The following MALRD1 variants were observed in gnomAD, a reference collection of about 807,000 sequenced individuals.
The protein encoded by MALRD1 is MAM and LDL-receptor class A domain-containing protein 1.
In MALRD1, 247 loss-of-function variants were observed where a neutral mutation model predicts 242.1. That is an observed-to-expected ratio of 1.02 (90% CI 0.92 to 1.13). The LOEUF is 1.13. Among genes scored for constraint, MALRD1 ranks in the 50% most tolerant of loss-of-function variants. The pLI, the probability that MALRD1 is intolerant of heterozygous loss-of-function variation, is 0.00. For synonymous variants in MALRD1, 995 were observed against 866.6 expected (o/e 1.15, Z -2.60); for missense variants, 2,989 against 2,533.1 (o/e 1.18, Z -3.86).
chr10:19,723,944 G>A (rs1257504693), intron 38 of MALRD1, among the ~76,000 whole-genome samples: 1 of 151,152 alleles, frequency 6.6e-6, no homozygotes, highest in Non-Finnish European at 1.5e-5. Flanking sequence ...TATAGTCCCA[G>A]CAACTCAGGG....
chr10:19,531,940 A>T (rs1024511924), intron 32 of MALRD1, among the ~76,000 whole-genome samples: 1 of 152,226 alleles, frequency 6.6e-6, no homozygotes, highest in South Asian at 2.1e-4. Context: ...TTAAATGGTT[A>T]CATATCAGCA....
chr10:19,557,236 A>G (rs7911898), intron 32 of MALRD1, among the ~76,000 whole-genome samples: 5,215 of 152,094 alleles, frequency 0.034, 314 homozygotes, highest in African/African-American at 0.12. Context: ...TTTGGTCTCT[A>G]GCTTGTCTTT....
intron 1 of MALRD1, among the ~76,000 whole-genome samples, chr10:19,058,482 T>C (rs1298560238): frequency 6.6e-6 from 1 of 152,120 alleles, no homozygotes; most frequent in Non-Finnish European, 1.5e-5. Context: ...TTGTTGAATA[T>C]TGATATTGAG....
chr10:19,085,314 A>AT (rs922715460), intron 2 of MALRD1, among the ~76,000 whole-genome samples: 8 of 151,878 alleles, frequency 5.3e-5, no homozygotes, highest in Admixed American at 1.3e-4. Context: ...ATGAAGTGAC[A>AT]TTTTTCTCTA....
chr10:19,301,992 C>T (rs994660504), intron 21 of MALRD1, among the ~76,000 whole-genome samples: 1 of 151,592 alleles, frequency 6.6e-6, no homozygotes, highest in Admixed American at 6.6e-5. Context: ...ATACAAACAG[C>T]TAAAAGTCAA....
chr10:19,359,549 C>T (rs1844797704), intron 26 of MALRD1, among the ~76,000 whole-genome samples: 1 of 152,006 alleles, frequency 6.6e-6, no homozygotes, highest in East Asian at 1.9e-4. Context: ...CCACTGCGCA[C>T]TTCTTCCAAA....
At chr10:19,718,095 A>AGAG (rs1834488059) in intron 38 of MALRD1, among the ~76,000 whole-genome samples, 2 of 110,748 alleles carry the variant, frequency 1.8e-5, no homozygotes, top group African/African-American at 8.2e-5. Flanking sequence ...TAGAAGAAGA[A>AGAG]GAAGAGGAAG....
intron 38 of MALRD1, among the ~76,000 whole-genome samples, chr10:19,728,119 A>C (rs1835122357): frequency 6.6e-6 from 1 of 152,182 alleles, no homozygotes; most frequent in Non-Finnish European, 1.5e-5. Context: ...ATCTAGGAAA[A>C]ATAAAAGCAA....
Position 19,387,556 on chromosome 10 carries a change from T to A in MALRD1, c.4470T>A (p.Cys1490Ter). 6.4e-7 allele frequency: 1 copy of A among 1,550,424 alleles called. No homozygotes were observed. The highest frequency in any genetic ancestry group is 8.7e-7 in the Non-Finnish European group (1 of 1,146,864). The change falls in exon 27 of 40, where the codon TGT (cysteine) becomes TGA (stop). Residue 1490 changes from cysteine to a stop codon, truncating the protein, a stop_gained. Coordinates refer to ENST00000454679, the MANE Select transcript of MALRD1 (RefSeq NM_001142308.3). LOFTEE classifies it high-confidence loss of function. ...TCTGCCCACTTGGCTATAGGGAATG[T>A]CATAATGGAAAATGCTATAGGCTGG... The part of the protein sequence containing the change: ...TGFCPLGYRE[C>*]HNGKCYRLEQ...
intron 38 of MALRD1, among the ~76,000 whole-genome samples, chr10:19,707,157 T>C (rs887171009): frequency 2.4e-4 from 36 of 150,634 alleles, no homozygotes; most frequent in Non-Finnish European, 1.2e-4. Context: ...TCATCCTCCT[T>C]TCTTCTTCTT....
At chr10:19,474,491 C>T (rs1836638592) in intron 29 of MALRD1, among the ~76,000 whole-genome samples, 1 of 152,028 alleles carries the variant, frequency 6.6e-6, no homozygotes, top group African/African-American at 2.4e-5. Context: ...TCTTTTTAAT[C>T]TACTATACAT....
At chr10:19,451,517 C>T (rs1023852500) in intron 29 of MALRD1, among the ~76,000 whole-genome samples, 1 of 152,044 alleles carries the variant, frequency 6.6e-6, no homozygotes, top group Non-Finnish European at 1.5e-5. Context: ...ATTTGGTTTC[C>T]AAAATAATCC....
chr10:19,257,625 T>G, intron 18 of MALRD1, 59 bp from the exon 19 acceptor site: 5 of 1,253,572 alleles, frequency 4.0e-6, no homozygotes. Flanking sequence ...TTCCATAACT[T>G]AATTTCCTTT....
intron 32 of MALRD1, among the ~76,000 whole-genome samples, chr10:19,541,945 T>C (rs1301870446): frequency 6.6e-6 from 1 of 152,154 alleles, no homozygotes; most frequent in African/African-American, 2.4e-5. Context: ...TTAGGCAGGA[T>C]GGGAAGGTCC....
chr10:19,488,922 C>T (rs751383335), intron 29 of MALRD1: 4 of 375,456 alleles, frequency 1.1e-5, no homozygotes, highest in South Asian at 7.5e-5. Context: ...TGGGTTATTA[C>T]ATGGGTTATT....
rs117693435 is a variant in MALRD1 at position 19,244,138 on chromosome 10, A to G, written c.2992-13546A>G. 6.9e-4 allele frequency among the ~76,000 whole-genome samples: 105 copies of G among 152,324 alleles called. No homozygotes were observed. In the East Asian group the frequency reaches 0.019, roughly 27 times the overall value. ...AAAAGACCTTTTACTCATGCTTTAA[A>G]GCATGTTAGATGATTCCTACCACAT... is the stretch of plus-strand genomic sequence containing the variant. On this transcript the variant is annotated intron_variant, in intron 18 of 39. Transcript: ENST00000454679.
At chr10:19,660,830 T>C (rs1841394525) in intron 36 of MALRD1, among the ~76,000 whole-genome samples, 1 of 152,208 alleles carries the variant, frequency 6.6e-6, no homozygotes, top group African/African-American at 2.4e-5. Context: ...TGGATTTCCT[T>C]GTTTAATTAT....
intron 31 of MALRD1, among the ~76,000 whole-genome samples, chr10:19,501,970 A>G (rs2131258538): frequency 1.4e-5 from 2 of 147,940 alleles, no homozygotes; most frequent in Middle Eastern, 6.9e-3. Flanking sequence ...TTGAGGCTGC[A>G]GTGTCGTGTT....
chr10:19,443,544 G>A (rs1377308435), intron 28 of MALRD1, among the ~76,000 whole-genome samples: 1 of 152,180 alleles, frequency 6.6e-6, no homozygotes, highest in African/African-American at 2.4e-5. Context: ...TGGTTTCAAA[G>A]AACATCTTTA....
Sources: gnomAD v4.1 joint callset for allele counts (sites outside exome capture counted in the v4.1 genomes callset) on GRCh38, gnomAD v4.1.1 for gene constraint, MANE v1.5 for transcripts, NCBI Gene and HGNC (gene_info 2026-07-23, HGNC 2026-07-21) for gene names.